IQCJ: variants seen among roughly 807,000 people sequenced by gnomAD.
IQCJ encodes the protein IQ motif containing J.
A neutral mutation model predicts 11.0 loss-of-function variants in IQCJ; 9 were observed. The ratio of observed to expected loss-of-function variants is 0.82; its 90% confidence interval spans 0.49 to 1.43. The LOEUF (loss-of-function observed/expected upper bound fraction) is 1.43, where lower values mean the gene tolerates loss of function less well. IQCJ is among the 40% of genes most tolerant of loss of function. The pLI, the probability that IQCJ is intolerant of heterozygous loss-of-function variation, is 0.00. For synonymous variants in IQCJ, 55 were observed against 51.3 expected, an observed-to-expected ratio of 1.07 and a Z score of -0.31; for missense variants, 146 against 133.2, an observed-to-expected ratio of 1.10 and a Z score of -0.47.
At chr3:159,166,003 T>C (rs76411070) in intron 1 of IQCJ, among the ~76,000 whole-genome samples, 8 of 152,102 alleles carry the variant, frequency 5.3e-5, no homozygotes, top group African/African-American at 1.4e-4. Context: ...AAGTGCATCA[T>C]GCATTTGAGT....
chr3:159,082,348 G>GT (rs60367077), intron 1 of IQCJ, among the ~76,000 whole-genome samples: 13,198 of 145,818 alleles, frequency 0.091, 890 homozygotes, highest in East Asian at 0.36. Context: ...AACTCTATAA[G>GT]TTTTTTTTTT....
At chr3:159,204,451 T>C (rs986975337) in intron 1 of IQCJ, among the ~76,000 whole-genome samples, 3 of 152,348 alleles carry the variant, frequency 2.0e-5, no homozygotes, top group African/African-American at 7.2e-5. Flanking sequence ...ACAGTTGAAG[T>C]TGGCCAGTCA....
downstream of IQCJ, chr3:159,265,156 T>C (rs191470764): frequency 1.0e-3 from 1,486 of 1,434,482 alleles, 3 homozygotes; most frequent in Non-Finnish European, 1.3e-3. Flanking sequence ...AAGAAAACTT[T>C]ATATGTAGTT....
At chr3:159,210,921 C>T (rs1724919597) in intron 1 of IQCJ, among the ~76,000 whole-genome samples, 1 of 146,250 alleles carries the variant, frequency 6.8e-6, no homozygotes, top group Non-Finnish European at 1.5e-5. Flanking sequence ...ATCCGCCCAC[C>T]TCTACCTCCC....
intron 1 of IQCJ, among the ~76,000 whole-genome samples, chr3:159,086,553 G>A (rs1298599706): frequency 6.6e-6 from 1 of 152,172 alleles, no homozygotes; most frequent in Middle Eastern, 3.2e-3. Context: ...CCGTGAGCAT[G>A]GAATATTCTT....
At chr3:159,089,415 G>T (rs1317747977) in intron 1 of IQCJ, among the ~76,000 whole-genome samples, 1 of 151,824 alleles carries the variant, frequency 6.6e-6, no homozygotes, top group South Asian at 2.1e-4. Context: ...TGCTCTTCTC[G>T]AGGAGTATCT....
intron 1 of IQCJ, among the ~76,000 whole-genome samples, chr3:159,096,384 T>C (rs1451095271): frequency 1.3e-5 from 2 of 148,170 alleles, no homozygotes; most frequent in African/African-American, 5.0e-5. Context: ...ATCCCATTTG[T>C]CAATTTTGTC....
At chr3:159,189,447 C>T (rs1418304389) in intron 1 of IQCJ, among the ~76,000 whole-genome samples, 3 of 152,126 alleles carry the variant, frequency 2.0e-5, no homozygotes, top group Non-Finnish European at 4.4e-5. Flanking sequence ...CATTCAAGAC[C>T]AGTATTGTTC....
At chr3:159,231,831 A>T (rs1046669058) in intron 1 of IQCJ, among the ~76,000 whole-genome samples, 18 of 152,056 alleles carry the variant, frequency 1.2e-4, no homozygotes, top group Non-Finnish European at 2.1e-4. Flanking sequence ...CTATTCAGGG[A>T]TGTGACTTCT....
At chr3:159,219,841 C>T (rs983560104) in intron 1 of IQCJ, among the ~76,000 whole-genome samples, 4 of 152,142 alleles carry the variant, frequency 2.6e-5, no homozygotes, top group African/African-American at 9.7e-5. Context: ...ACATCCAAGC[C>T]TGCAGTGCTC....
At position 159,105,455 on chromosome 3, in the gene IQCJ, A is replaced by T. The variant is rs111646139; in HGVS notation, c.9+36014A>T. ...ACTACATCCTGGGTACTATCTCAGG[A>T]CACAATGGTAGGGGTAACCAGCAAA... On this transcript the variant is annotated intron_variant, in intron 1 of 3. Coordinates refer to ENST00000397832, the MANE Select transcript of IQCJ (RefSeq NM_001042706.3). Among the ~76,000 whole-genome samples, 52 of 152,280 alleles carry T rather than the reference A, an allele frequency of 3.4e-4. 1 individual carries two copies. Among genetic ancestry groups the T allele is most frequent in the African/African-American group, 1.2e-3 (51 of 41,550 alleles).
At chr3:159,091,656 ACAC>A (rs1717299850) in intron 1 of IQCJ, among the ~76,000 whole-genome samples, 1 of 59,582 alleles carries the variant, frequency 1.7e-5, no homozygotes, top group Admixed American at 2.7e-4. Context: ...TTACACACAC[ACAC>A]ACACACACAC....
intron 1 of IQCJ, among the ~76,000 whole-genome samples, chr3:159,110,651 C>T (rs1718568816): frequency 6.6e-6 from 1 of 152,148 alleles, no homozygotes; most frequent in Non-Finnish European, 1.5e-5. Context: ...GGCCGTCTTT[C>T]TTATTCATCA....
chr3:159,229,975 G>A (rs372547780), intron 1 of IQCJ, among the ~76,000 whole-genome samples: 4 of 147,702 alleles, frequency 2.7e-5, no homozygotes, highest in Non-Finnish European at 4.5e-5. Flanking sequence ...TTGTTACATG[G>A]GTATATTGGA....
chr3:159,089,159 T>C (rs1364080893), intron 1 of IQCJ, among the ~76,000 whole-genome samples: 4 of 152,160 alleles, frequency 2.6e-5, no homozygotes, highest in African/African-American at 7.2e-5. Context: ...TAAAGTATTT[T>C]AGTTCTCCTT....
chr3:159,262,992 G>T lies in IQCJ; in HGVS notation c.*261G>T, dbSNP rs1728305797. The T allele has an allele frequency of 1.7e-6, 2 of 1,145,688 alleles. No homozygotes were observed. Among genetic ancestry groups the T allele is most frequent in the African/African-American group, 3.1e-5 (2 of 63,878 alleles). The allele number at this position is 1,145,688 out of a possible 1,614,324, so 71.0% of individuals were successfully genotyped here. A position where few individuals can be genotyped will look rare whatever the true frequency, so the allele number is the denominator to read the frequency against. On this transcript the variant is annotated 3_prime_UTR_variant, in exon 4 of 4. Transcript: ENST00000397832. ...TAATAGCATATTTCTTTTAGTATGT[G>T]CTGTGTGTTTCTTTTATTGTGTGGT... is the stretch of plus-strand genomic sequence containing the variant.
chr3:159,172,954 C>T (rs147374811), intron 1 of IQCJ, among the ~76,000 whole-genome samples: 7 of 152,120 alleles, frequency 4.6e-5, no homozygotes, highest in Admixed American at 2.6e-4. Context: ...TAAGTCACTG[C>T]GTAAGACAAT....
chr3:159,086,628 T>G (rs375975785), intron 1 of IQCJ, among the ~76,000 whole-genome samples: 1 of 151,512 alleles, frequency 6.6e-6, no homozygotes. Context: ...GAAGAGGTCC[T>G]TCACATCCCT....
At chr3:159,242,755 G>T (rs913383737) in intron 1 of IQCJ, among the ~76,000 whole-genome samples, 9 of 151,890 alleles carry the variant, frequency 5.9e-5, no homozygotes, top group Admixed American at 2.0e-4. Flanking sequence ...AAATATAGGA[G>T]ACTATATTTG....
Sources: gnomAD v4.1 joint callset for allele counts (sites outside exome capture counted in the v4.1 genomes callset) on GRCh38, gnomAD v4.1.1 for gene constraint, MANE v1.5 for transcripts, NCBI Gene and HGNC (gene_info 2026-07-23, HGNC 2026-07-21) for gene names.